IPO11: variants seen among roughly 807,000 people sequenced by gnomAD.
IPO11 encodes importin-11.
Under a neutral mutation model 143.2 loss-of-function variants are expected in IPO11, and 66 were observed. The observed-to-expected ratio is 0.46, with a 90% CI of 0.38 to 0.57. The LOEUF (loss-of-function observed/expected upper bound fraction) is 0.57. Among genes scored for constraint, IPO11 ranks in the 20% least tolerant of loss-of-function variants. The pLI, the probability that IPO11 is intolerant of heterozygous loss-of-function variation, is 0.00. For synonymous variants in IPO11, 385 were observed against 377.8 expected, an observed-to-expected ratio of 1.02 and a Z score of -0.22; for missense variants, 1,026 against 1,141.0, an observed-to-expected ratio of 0.90 and a Z score of 1.45.
At chr5:62,473,174 G>C (rs987425617) in intron 7 of IPO11, among the ~76,000 whole-genome samples, 9 of 152,068 alleles carry the variant, frequency 5.9e-5, no homozygotes, top group Non-Finnish European at 1.2e-4. Context: ...TCATCCTGAA[G>C]TTTTCTTCTT....
In IPO11 at chr5:62,610,661, A is replaced by G. The variant is rs546878735; in HGVS notation, c.2763+8813A>G. Among the ~76,000 whole-genome samples, 5 of 152,344 alleles carry G rather than the reference A, an allele frequency of 3.3e-5. No homozygotes were observed. The South Asian group carries it at 1.0e-3, about 32-fold the overall frequency. ...TCTTAGTTAAGTAATCAAATAATCAAGTGATAATAATCAAATGATCAAGTA... is the reference window on the plus strand; with the variant it reads ...TCTTAGTTAAGTAATCAAATAATCAGGTGATAATAATCAAATGATCAAGTA... On this transcript the variant is annotated intron_variant, in intron 29 of 29. Transcript: ENST00000325324.
chr5:62,551,576 A>T (rs527732403), intron 26 of IPO11, among the ~76,000 whole-genome samples: 9 of 152,296 alleles, frequency 5.9e-5, no homozygotes, highest in African/African-American at 2.2e-4. Context: ...TTAGCCTAGA[A>T]TATAATGTTG....
At chr5:62,546,149 G>A (rs1043586660) in intron 24 of IPO11, among the ~76,000 whole-genome samples, 3 of 152,090 alleles carry the variant, frequency 2.0e-5, no homozygotes, top group African/African-American at 4.8e-5. Flanking sequence ...ACATGCACAC[G>A]TATGTTTATT....
At chr5:62,463,555 C>T (rs1745452566) in intron 5 of IPO11, among the ~76,000 whole-genome samples, 1 of 151,486 alleles carries the variant, frequency 6.6e-6, no homozygotes, top group Admixed American at 6.6e-5. Context: ...CCTGTAGTCC[C>T]AGCTACTCAG....
chr5:62,483,060 G>A (rs1242847910), intron 9 of IPO11, 41 bp from the exon 10 acceptor site: 1 of 1,255,228 alleles, frequency 8.0e-7, no homozygotes, highest in African/African-American at 1.5e-5. Flanking sequence ...ATGAATTTGG[G>A]GAAAATACAT....
intron 1 of IPO11, among the ~76,000 whole-genome samples, chr5:62,435,302 T>C (rs1744179301): frequency 6.7e-6 from 1 of 149,742 alleles, no homozygotes; most frequent in Non-Finnish European, 1.5e-5. Context: ...ACGTGGCTGC[T>C]AGAAAATGTA....
chr5:62,504,784 T>C (rs1192132242), intron 17 of IPO11, 74 bp from the exon 18 acceptor site: 1 of 1,323,308 alleles, frequency 7.6e-7, no homozygotes, highest in African/African-American at 1.5e-5. Flanking sequence ...AATTAATTTA[T>C]GTATACTTGT....
At chr5:62,438,543 A>T (rs999401728) in intron 2 of IPO11, among the ~76,000 whole-genome samples, 7 of 147,600 alleles carry the variant, frequency 4.7e-5, no homozygotes, top group African/African-American at 1.8e-4. Context: ...ACCTGAGGTC[A>T]GGAGTTTGAG....
At chr5:62,506,395 G>A (rs756050386) in intron 19 of IPO11, 38 bp downstream of exon 19, 1 of 1,125,588 alleles carries the variant, frequency 8.9e-7, no homozygotes, top group Non-Finnish European at 1.3e-6. Flanking sequence ...AATGAGGGGT[G>A]GGTAGAATAG....
rs1561308819 is a variant in IPO11 at position 62,435,114 on chromosome 5, A to ATATATGTATATATATATGTATATG, written c.-6-2157_-6-2156insATGTATATATATATGTATATGTAT. ...TATGTATATATGTATATATATGTAT[A>ATATATGTATATATATATGTATATG]TATGTATATATGTATATATATGTAT... On this transcript the variant is annotated intron_variant, in intron 1 of 29. Transcript: ENST00000325324. 5.9e-5 allele frequency among the ~76,000 whole-genome samples: 6 copies of ATATATGTATATATATATGTATATG among 102,268 alleles called. No individual in the cohort carries two copies. The South Asian group carries it at 1.3e-3, about 23-fold the overall frequency. The allele number at this position is 102,268 out of a possible 152,430, so 67.1% of individuals were successfully genotyped here.
At chr5:62,588,585 TC>T (rs1744893879) in intron 27 of IPO11, among the ~76,000 whole-genome samples, 1 of 152,172 alleles carries the variant, frequency 6.6e-6, no homozygotes, top group African/African-American at 2.4e-5. Context: ...GTTTGTTTTT[TC>T]CACTTTTAAC....
intron 1 of IPO11, among the ~76,000 whole-genome samples, chr5:62,432,085 T>C (rs1416860636): frequency 2.6e-5 from 4 of 152,188 alleles, no homozygotes; most frequent in African/African-American, 9.7e-5. Context: ...CTTTGAGGCT[T>C]GAGCTGGGCT....
chr5:62,420,631 G>A (rs775999287), intron 1 of IPO11, among the ~76,000 whole-genome samples: 1 of 151,188 alleles, frequency 6.6e-6, no homozygotes. Flanking sequence ...CCAGGCTGGA[G>A]TGCAGTGGCA....
At chr5:62,587,851 G>A (rs1204989563) in intron 27 of IPO11, among the ~76,000 whole-genome samples, 3 of 152,178 alleles carry the variant, frequency 2.0e-5, no homozygotes, top group East Asian at 3.8e-4. Context: ...GCCCAAGGCC[G>A]TGTAGCTAGT....
At chr5:62,582,918 A>G (rs577607453) in intron 27 of IPO11, among the ~76,000 whole-genome samples, 2 of 152,304 alleles carry the variant, frequency 1.3e-5, no homozygotes, top group African/African-American at 4.8e-5. Context: ...TTGAGAGAAA[A>G]TCAGAAAGGA....
intron 9 of IPO11, among the ~76,000 whole-genome samples, chr5:62,477,780 G>A (rs898450089): frequency 6.6e-6 from 1 of 152,184 alleles, no homozygotes; most frequent in Non-Finnish European, 1.5e-5. Flanking sequence ...TTATTTAGCT[G>A]TGAGATTTTT....
chr5:62,580,246 G>A (rs1304299153), intron 27 of IPO11: 3 of 1,547,904 alleles, frequency 1.9e-6, no homozygotes, highest in Non-Finnish European at 1.7e-6. Flanking sequence ...TGTTACTAGG[G>A]ATGGGTTTAG....
chr5:62,510,553 T>A (rs963788345), intron 19 of IPO11, among the ~76,000 whole-genome samples: 1 of 152,178 alleles, frequency 6.6e-6, no homozygotes, highest in African/African-American at 2.4e-5. Flanking sequence ...TCAGGAAGCT[T>A]AACACTGATA....
chr5:62,451,650 A>G, intron 4 of IPO11, 80 bp from the exon 5 acceptor site: 1 of 1,056,016 alleles, frequency 9.5e-7, no homozygotes, highest in Admixed American at 2.0e-5. Context: ...TCAAGTGTAT[A>G]ATTAACAAGG....
Sources: gnomAD v4.1 joint callset for allele counts (sites outside exome capture counted in the v4.1 genomes callset) on GRCh38, gnomAD v4.1.1 for gene constraint, MANE v1.5 for transcripts, NCBI Gene and HGNC (gene_info 2026-07-23, HGNC 2026-07-21) for gene names.